ZNG1C: variants seen among roughly 807,000 people sequenced by gnomAD.
ZNG1C encodes zinc-regulated GTPase metalloprotein activator 1C.
chr9:68,244,548 A>C, the ZNG1C span, among the ~76,000 whole-genome samples: 139 of 131,860 alleles, frequency 1.1e-3, 7 homozygotes, highest in African/African-American at 4.1e-3. Flanking sequence ...TTTTAGCAGC[A>C]CTGTAATAGT....
At chr9:68,288,461 T>C in the ZNG1C span, among the ~76,000 whole-genome samples, 1 of 152,204 alleles carries the variant, frequency 6.6e-6, no homozygotes, top group Admixed American at 6.5e-5. Flanking sequence ...TGTTTTTGTT[T>C]TTGTTTTTTT....
At chr9:68,257,950 A>G in the ZNG1C span, among the ~76,000 whole-genome samples, 1 of 143,332 alleles carries the variant, frequency 7.0e-6, no homozygotes, top group East Asian at 2.0e-4. Context: ...GCATAATTAA[A>G]CTCATTCTTT....
At chr9:68,276,441 G>T in the ZNG1C span, among the ~76,000 whole-genome samples, 49,314 of 71,294 alleles carry the variant, frequency 0.69, 17,922 homozygotes, top group Middle Eastern at 0.82. Context: ...GTTTTAGGTC[G>T]AACGTTTAAG....
chr9:68,254,908 TG>T, the ZNG1C span: 1 of 151,432 alleles, frequency 6.6e-6, no homozygotes, highest in Non-Finnish European at 1.5e-5. Context: ...GAAATTTTTT[TG>T]TTGACTTTTC....
chr9:68,257,033 T>TTTTTTTTTTTTG, the ZNG1C span: 8 of 203,942 alleles, frequency 3.9e-5, no homozygotes, highest in Middle Eastern at 2.0e-3. Context: ...TTTTTGTTTT[T>TTTTTTTTTTTTG]TTTTTTTTTT....
At chr9:68,264,844 T>TAC in the ZNG1C span, among the ~76,000 whole-genome samples, 5 of 86,138 alleles carry the variant, frequency 5.8e-5, no homozygotes, top group African/African-American at 2.2e-4. Context: ...TATATATATA[T>TAC]ATATATATAT....
At chr9:68,249,151 A>G in the ZNG1C span, 12 of 524,626 alleles carry the variant, frequency 2.3e-5, no homozygotes, top group Admixed American at 1.7e-4. Flanking sequence ...ATTATTTGTA[A>G]GAACAGAAGT....
At chr9:68,250,996 T>A in the ZNG1C span, 1 of 331,512 alleles carries the variant, frequency 3.0e-6, no homozygotes, top group South Asian at 2.4e-5. Context: ...CTTGGATCAC[T>A]TGAGCTCAGG....
chr9:68,249,180 G>A, the ZNG1C span: 1 of 477,182 alleles, frequency 2.1e-6, no homozygotes, highest in Admixed American at 3.6e-5. Context: ...ATAAGGACAT[G>A]TAGGAAGAGC....
chr9:68,279,883 C>G, the ZNG1C span, among the ~76,000 whole-genome samples: 13 of 142,610 alleles, frequency 9.1e-5, no homozygotes, highest in African/African-American at 3.2e-4. Context: ...AGTTCTCCTG[C>G]ATGATATCCT....
At chr9:68,264,855 A>ATGTGTGTGTG in the ZNG1C span, among the ~76,000 whole-genome samples, 1 of 72,258 alleles carries the variant, frequency 1.4e-5, no homozygotes, top group African/African-American at 5.1e-5. Context: ...ATATATATAT[A>ATGTGTGTGTG]TGTATAATAA....
At chr9:68,247,078 C>T in the ZNG1C span, among the ~76,000 whole-genome samples, 62 of 150,650 alleles carry the variant, frequency 4.1e-4, no homozygotes, top group Non-Finnish European at 5.2e-4. Flanking sequence ...GTTATCCGCC[C>T]GCCTTGGCCT....
chr9:68,269,145 G>A, the ZNG1C span: 1 of 943,212 alleles, frequency 1.1e-6, no homozygotes, highest in Non-Finnish European at 1.5e-6. Flanking sequence ...AAGTTAGTTT[G>A]GCATATTTGA....
the ZNG1C span, among the ~76,000 whole-genome samples, chr9:68,280,691 G>A: frequency 9.8e-5 from 5 of 51,222 alleles, no homozygotes; most frequent in African/African-American, 4.0e-4. Context: ...CAGTCTGCCC[G>A]TTCTCAGATC....
the ZNG1C span, among the ~76,000 whole-genome samples, chr9:68,287,004 A>G: frequency 1.2e-4 from 18 of 152,094 alleles, no homozygotes; most frequent in Admixed American, 3.3e-4. Context: ...CTTCTGGGTA[A>G]AGAACGTGAT....
chr9:68,286,936 C>T, the ZNG1C span, among the ~76,000 whole-genome samples: 1 of 98,608 alleles, frequency 1.0e-5, no homozygotes, highest in South Asian at 3.0e-4. Flanking sequence ...AAAAAAAAAA[C>T]TCAGTTCTTT....
At chr9:68,268,311 G>T in the ZNG1C span, among the ~76,000 whole-genome samples, 1 of 152,060 alleles carries the variant, frequency 6.6e-6, no homozygotes, top group African/African-American at 2.4e-5. Flanking sequence ...GTGTTGAAAA[G>T]AATTTAACAG....
At chr9:68,283,565 GATACATTT>G in the ZNG1C span, among the ~76,000 whole-genome samples, 2 of 112,410 alleles carry the variant, frequency 1.8e-5, no homozygotes, top group African/African-American at 6.5e-5. Flanking sequence ...CAGATCCTGT[GATACATTT>G]AAATGTGTTT....
the ZNG1C span, among the ~76,000 whole-genome samples, chr9:68,281,181 C>T: frequency 5.3e-5 from 8 of 152,018 alleles, no homozygotes; most frequent in South Asian, 2.1e-4. Flanking sequence ...GACAATGCCT[C>T]GCCCTGCTTT....
Sources: allele counts gnomAD v4.1 joint callset (sites outside exome capture counted in the v4.1 genomes callset), GRCh38; gene constraint gnomAD v4.1.1; transcripts MANE v1.5; gene names NCBI Gene and HGNC (gene_info 2026-07-23, HGNC 2026-07-21).